The following CCDC73 variants were observed in gnomAD, a reference collection of about 807,000 sequenced individuals.
The protein encoded by CCDC73 is coiled-coil domain containing 73.
A neutral mutation model predicts 116.5 loss-of-function variants in CCDC73; 95 were observed. The ratio of observed to expected loss-of-function variants is 0.82; its 90% CI spans 0.69 to 0.97. CCDC73 has a LOEUF of 0.97. CCDC73 is among the 50% of genes least tolerant of loss of function. The pLI is 0.00. For synonymous variants in CCDC73, 398 were observed against 401.3 expected (o/e 0.99, Z 0.10); for missense variants, 1,066 against 1,206.8 (o/e 0.88, Z 1.73).
chr11:32,660,262 G>A (rs1014659784), intron 9 of CCDC73, among the ~76,000 whole-genome samples: 7 of 142,726 alleles, frequency 4.9e-5, no homozygotes, highest in African/African-American at 1.8e-4. Flanking sequence ...AAAACAGGTT[G>A]GATCCAGTTA....
In CCDC73 at chr11:32,789,464, A is replaced by AT. The variant is rs775693389; in HGVS notation, c.-16+5148dup. On this transcript the variant is annotated intron_variant, in intron 1 of 17. Transcript: ENST00000335185. ...TCTCTTCTATATTCAAAACGTAGTG[A>AT]TTTTTTTAAAAATACAGACACCCAG... 1.2e-4 allele frequency among the ~76,000 whole-genome samples: 18 copies of AT among 152,256 alleles called. No homozygotes were observed. The East Asian group carries it at 1.3e-3, about 11-fold the overall frequency.
In CCDC73 at chr11:32,742,887, T is replaced by C. The variant is rs992430884; in HGVS notation, c.135+17222A>G. Among the ~76,000 whole-genome samples, 8 of 152,334 alleles carry C rather than the reference T, an allele frequency of 5.3e-5. No homozygotes were observed. The East Asian group carries it at 1.3e-3, about 26-fold the overall frequency. On this transcript the variant is annotated intron_variant, in intron 2 of 17. Coordinates refer to ENST00000335185, the MANE Select transcript of CCDC73 (RefSeq NM_001008391.4). ...TTTTCTGCATATGGCTAGCCAGTTT[T>C]CCCAACACTATTTATTAAATAGAGA...
intron 13 of CCDC73, among the ~76,000 whole-genome samples, chr11:32,640,187 C>A (rs1855720057): frequency 6.6e-6 from 1 of 152,118 alleles, no homozygotes. Context: ...TCTTACTTAT[C>A]TATATTCTGT....
At chr11:32,721,789 G>C (rs984140001) in intron 2 of CCDC73, among the ~76,000 whole-genome samples, 1 of 151,862 alleles carries the variant, frequency 6.6e-6, no homozygotes, top group African/African-American at 2.4e-5. Flanking sequence ...AGTAGAGACG[G>C]GGTTTCACTG....
Position 32,700,707 on chromosome 11 carries a change from A to C in CCDC73, c.315+84T>G, listed in dbSNP as rs549879081. 5.2e-5 allele frequency: 32 copies of C among 611,948 alleles called. No homozygotes were observed. In the African/African-American group the frequency reaches 6.0e-4, roughly 12 times the overall value. The allele number at this position is 611,948 out of a possible 1,614,324, so 37.9% of individuals were successfully genotyped here. On this transcript the variant is annotated intron_variant, in intron 5 of 17. Transcript: ENST00000335185. ...CTCTTATGGTAAACAATGGATAATAAAAGGCATCTAGCTATGTTTTAAATT... is the reference window on the plus strand; with the variant it reads ...CTCTTATGGTAAACAATGGATAATACAAGGCATCTAGCTATGTTTTAAATT...
At chr11:32,657,781 G>T (rs1855886876) in intron 9 of CCDC73, among the ~76,000 whole-genome samples, 1 of 152,094 alleles carries the variant, frequency 6.6e-6, no homozygotes, top group Non-Finnish European at 1.5e-5. Flanking sequence ...CAGGAGGATT[G>T]CTTGAAGCCA....
intron 17 of CCDC73, among the ~76,000 whole-genome samples, chr11:32,607,439 G>A (rs955742828): frequency 4.6e-5 from 7 of 152,116 alleles, no homozygotes; most frequent in Non-Finnish European, 7.4e-5. Flanking sequence ...AGAACATTAG[G>A]AATTAGACAA....
rs746170374 is a variant in CCDC73 at position 32,614,030 on chromosome 11, C to T, written c.2288G>A (p.Cys763Tyr). The T allele has an allele frequency of 9.3e-6, 15 of 1,612,108 alleles. No individual in the cohort carries two copies. The highest frequency in any genetic ancestry group is 1.3e-5 in the Non-Finnish European group (15 of 1,179,840). ...ATTAGTGTTTTCTAAGTATCCCAAACAGTTATTAAATTGACTGTTTTGCAT... is the reference window on the plus strand; with the variant it reads ...ATTAGTGTTTTCTAAGTATCCCAAATAGTTATTAAATTGACTGTTTTGCAT... ...SDMQNSQFNN[C>Y]LGYLENTNVN... Residue 763 changes from cysteine to tyrosine, a missense_variant, in exon 16 of 18, where the codon TGT becomes TAT. Transcript: ENST00000335185.
chr11:32,654,940 CT>C lies in CCDC73; in HGVS notation c.677del (p.Lys226SerfsTer17). 1 of 1,602,312 alleles carries C rather than the reference CT, an allele frequency of 6.2e-7. No individual in the cohort carries two copies. Among genetic ancestry groups the C allele is most frequent in the Middle Eastern group, 1.7e-4 (1 of 6,024 alleles). On this transcript the variant is annotated frameshift_variant, in exon 10 of 18. Transcript: ENST00000335185. LOFTEE classifies it high-confidence loss of function. ...TCTTATATTGACATGTGACTTTGGA[CT>C]TTATCAAGTCTGAGGCTGCTTTTTT... is the stretch of plus-strand genomic sequence containing the variant. ...ELKKAASDLI[K>X]SKVTCQYKMG... is the part of the protein sequence containing the mutation.
chr11:32,779,896 G>A (rs1047351223), intron 1 of CCDC73, among the ~76,000 whole-genome samples: 1 of 152,072 alleles, frequency 6.6e-6, no homozygotes, highest in East Asian at 1.9e-4. Flanking sequence ...CTCTAAATGA[G>A]CTAAAATACA....
chr11:32,683,705 A>C (rs1174421534), intron 6 of CCDC73, 131 bp from the exon 7 acceptor site: 1 of 580,374 alleles, frequency 1.7e-6, no homozygotes, highest in Non-Finnish European at 3.1e-6. Flanking sequence ...TATTCAACAC[A>C]CATTTATGGC....
chr11:32,676,297 A>T (rs10767951), intron 7 of CCDC73, among the ~76,000 whole-genome samples: 1 of 151,984 alleles, frequency 6.6e-6, no homozygotes, highest in Admixed American at 6.5e-5. Flanking sequence ...TTTTCAAAAT[A>T]TTTTTATAAA....
At chr11:32,620,384 T>C (rs1855512566) in intron 14 of CCDC73, among the ~76,000 whole-genome samples, 1 of 152,082 alleles carries the variant, frequency 6.6e-6, no homozygotes, top group South Asian at 2.1e-4. Context: ...AGTTTTCTTA[T>C]AATGTAATCT....
intron 9 of CCDC73, among the ~76,000 whole-genome samples, chr11:32,670,161 T>C (rs1019144691): frequency 3.3e-5 from 5 of 152,194 alleles, no homozygotes; most frequent in African/African-American, 9.7e-5. Context: ...ATTTTGATTT[T>C]CCTATATTTT....
In CCDC73 at chr11:32,649,756, C is replaced by T. The variant is rs571499340; in HGVS notation, c.939+3367G>A. On this transcript the variant is annotated intron_variant, in intron 12 of 17. Coordinates refer to ENST00000335185, the MANE Select transcript of CCDC73 (RefSeq NM_001008391.4). The stretch of plus-strand genomic sequence containing the variant: ...ATCAAATGTCTTTTCTTATAAAGGA[C>T]TATCCTTTATCCTGAGATTATGTCC... 3.3e-5 allele frequency among the ~76,000 whole-genome samples: 5 copies of T among 152,232 alleles called. No homozygotes were observed. The East Asian group carries it at 9.6e-4, about 29-fold the overall frequency.
At chr11:32,769,271 T>G (rs1413661482) in intron 1 of CCDC73, among the ~76,000 whole-genome samples, 3 of 152,232 alleles carry the variant, frequency 2.0e-5, no homozygotes, top group Admixed American at 2.0e-4. Flanking sequence ...TTAGGATTGC[T>G]AATTTGTACT....
chr11:32,643,689 A>C (rs1203840616), intron 12 of CCDC73, among the ~76,000 whole-genome samples: 1 of 152,178 alleles, frequency 6.6e-6, no homozygotes, highest in Admixed American at 6.5e-5. Flanking sequence ...ATGTAACTAT[A>C]TAAGGTACTT....
chr11:32,784,991 C>T (rs1299188639), intron 1 of CCDC73, among the ~76,000 whole-genome samples: 7 of 152,188 alleles, frequency 4.6e-5, no homozygotes, highest in East Asian at 1.9e-4. Context: ...CTGGCCAACA[C>T]GGTGAAACCC....
intron 14 of CCDC73, among the ~76,000 whole-genome samples, chr11:32,627,317 G>A (rs898291833): frequency 6.6e-6 from 1 of 152,108 alleles, no homozygotes; most frequent in East Asian, 1.9e-4. Flanking sequence ...AAGTCAGGAA[G>A]CAACAGGTGC....
Sources: gnomAD v4.1 joint callset for allele counts (sites outside exome capture counted in the v4.1 genomes callset) on GRCh38, gnomAD v4.1.1 for gene constraint, MANE v1.5 for transcripts, NCBI Gene and HGNC (gene_info 2026-07-23, HGNC 2026-07-21) for gene names.